Variants in SAP30L observed in about 807,000 individuals in gnomAD.
The protein encoded by SAP30L is SAP30 like, also known as histone deacetylase complex subunit SAP30L.
SAP30L carries 10 observed loss-of-function variants against 22.3 expected under a neutral mutation model. The observed-to-expected ratio is 0.45, with a 90% CI of 0.28 to 0.76. SAP30L has a LOEUF of 0.76. SAP30L is among the 30% of genes least tolerant of loss of function. The pLI is 0.14. For synonymous variants in SAP30L, 91 were observed against 94.1 expected (o/e 0.97, Z 0.19); for missense variants, 206 against 237.9 (o/e 0.87, Z 0.88).
intron 1 of SAP30L, among the ~76,000 whole-genome samples, chr5:154,450,648 A>G (rs1561700941): frequency 6.6e-6 from 1 of 152,094 alleles, no homozygotes; most frequent in African/African-American, 2.4e-5. Context: ...TTATGCTCCT[A>G]CATGGGCAGC....
intron 2 of SAP30L, 111 bp from the exon 3 acceptor site, chr5:154,453,291 A>G: frequency 1.4e-6 from 1 of 722,578 alleles, no homozygotes; most frequent in Non-Finnish European, 2.4e-6. Flanking sequence ...CCTCTTTTGA[A>G]GCCCTCCCCA....
chr5:154,448,905 A>C (rs1757081023), intron 1 of SAP30L, among the ~76,000 whole-genome samples: 1 of 152,190 alleles, frequency 6.6e-6, no homozygotes, highest in African/African-American at 2.4e-5. Flanking sequence ...TCTTTCTCAC[A>C]GGCTTGGGCA....
rs2113289208 is a variant in SAP30L at position 154,460,452 on chromosome 5, A to T, written c.*4424A>T. ...GCTGGGCAGTCGAACCGAAGGGCAG[A>T]TGAGCTCAAGATCATGCCTTGGGAA... is the stretch of plus-strand genomic sequence containing the variant. On this transcript the variant is annotated 3_prime_UTR_variant, in exon 4 of 4. Transcript: ENST00000297109. 6.6e-6 allele frequency: 1 copy of T among 152,392 alleles called. No individual in the cohort carries two copies. The highest frequency in any genetic ancestry group is 2.1e-4 in the South Asian group (1 of 4,830). The allele number at this position is 152,392 out of a possible 1,614,324, so 9.4% of individuals were successfully genotyped here. A position where few individuals can be genotyped will look rare whatever the true frequency, so the allele number is the denominator to read the frequency against.
At chr5:154,453,197 A>G (rs1305352215) in intron 2 of SAP30L, 2 of 484,640 alleles carry the variant, frequency 4.1e-6, no homozygotes, top group Non-Finnish European at 7.3e-6. Context: ...TTGTGAGATC[A>G]GCCCACCCCA....
At position 154,457,367 on chromosome 5, in the gene SAP30L, G is replaced by A. The variant is rs1427239864; in HGVS notation, c.*1339G>A. On this transcript the variant is annotated 3_prime_UTR_variant, in exon 4 of 4. Transcript: ENST00000297109. ...GAAAAGAATTTGGATTCTAATTTAT[G>A]ACCATCTTGACATATGGTCAAAGGT... 1 of 152,198 alleles carries A rather than the reference G, an allele frequency of 6.6e-6. No individual in the cohort carries two copies. Among genetic ancestry groups the A allele is most frequent in the Non-Finnish European group, 1.5e-5 (1 of 68,042 alleles). 9.4% of individuals were successfully genotyped at this position (152,198 alleles called of 1,614,324 possible).
intron 1 of SAP30L, among the ~76,000 whole-genome samples, chr5:154,447,064 A>G (rs1757033566): frequency 6.6e-6 from 1 of 152,236 alleles, no homozygotes; most frequent in Non-Finnish European, 1.5e-5. Context: ...GCAGTTTCCA[A>G]CTTGTTTTAT....
chr5:154,455,775 T>C (rs1048663488), intron 3 of SAP30L, 125 bp from the exon 4 acceptor site: 6 of 1,219,714 alleles, frequency 4.9e-6, no homozygotes, highest in Non-Finnish European at 6.8e-6. Context: ...TGGCAGGAAG[T>C]TCTTCAGCAT....
chr5:154,449,798 C>T (rs929847401), intron 1 of SAP30L, among the ~76,000 whole-genome samples: 6 of 152,312 alleles, frequency 3.9e-5, no homozygotes, highest in African/African-American at 1.4e-4. Context: ...TGGTGGCTTT[C>T]ATTAGCCTTA....
At chr5:154,453,279 G>C in intron 2 of SAP30L, 123 bp from the exon 3 acceptor site, 2 of 671,112 alleles carry the variant, frequency 3.0e-6, no homozygotes, top group South Asian at 3.7e-5. Flanking sequence ...CCATTTCTAA[G>C]ACCTCTTTTG....
intron 1 of SAP30L, among the ~76,000 whole-genome samples, chr5:154,447,935 CCT>C (rs1757055635): frequency 6.6e-6 from 1 of 151,540 alleles, no homozygotes. Context: ...AAAAATCTCC[CCT>C]GTCCTTTTTC....
intron 3 of SAP30L, among the ~76,000 whole-genome samples, chr5:154,454,463 A>G (rs1490933921): frequency 6.6e-6 from 1 of 152,302 alleles, no homozygotes; most frequent in African/African-American, 2.4e-5. Flanking sequence ...AGAAAAATAT[A>G]ATTCTATCAT....
Position 154,459,284 on chromosome 5 carries a change from C to T in SAP30L, c.*3256C>T, listed in dbSNP as rs1168814079. Reference sequence around the variant, plus strand: ...TCTCCACATAGGTGCTGACATTCTGCCTACAACCATCCCACCAAGGGGTTG... The same window carrying T: ...TCTCCACATAGGTGCTGACATTCTGTCTACAACCATCCCACCAAGGGGTTG... On this transcript the variant is annotated 3_prime_UTR_variant, in exon 4 of 4. Transcript: ENST00000297109. 1.3e-5 allele frequency: 2 copies of T among 152,264 alleles called. No homozygotes were observed. The highest frequency in any genetic ancestry group is 2.4e-5 in the African/African-American group (1 of 41,466). 9.4% of individuals were successfully genotyped at this position (152,264 alleles called of 1,614,324 possible). A position where few individuals can be genotyped will look rare whatever the true frequency, so the allele number is the denominator to read the frequency against.
intron 1 of SAP30L, among the ~76,000 whole-genome samples, chr5:154,450,391 T>G (rs1757112086): frequency 6.6e-6 from 1 of 152,154 alleles, no homozygotes; most frequent in South Asian, 2.1e-4. Context: ...TTTCAAAGAG[T>G]TATTATCCTA....
intron 1 of SAP30L, among the ~76,000 whole-genome samples, chr5:154,448,429 A>C (rs1355064675): frequency 6.6e-6 from 1 of 152,236 alleles, no homozygotes; most frequent in African/African-American, 2.4e-5. Flanking sequence ...TGAATGCATG[A>C]ATGGAAATAT....
In SAP30L at chr5:154,459,893, G is replaced by A. The variant is rs1371401978; in HGVS notation, c.*3865G>A. The A allele has an allele frequency of 1.3e-5, 2 of 152,230 alleles. No homozygotes were observed. Among genetic ancestry groups the A allele is most frequent in the Non-Finnish European group, 2.9e-5 (2 of 68,052 alleles). 9.4% of individuals were successfully genotyped at this position (152,230 alleles called of 1,614,324 possible). On this transcript the variant is annotated 3_prime_UTR_variant, in exon 4 of 4. Coordinates refer to ENST00000297109, the MANE Select transcript of SAP30L (RefSeq NM_024632.6). ...CAACGCTTCAGGACTTAAGGTCTAA[G>A]CGTCAGAGAAGTGCCGTATTTTCAA...
In SAP30L at chr5:154,460,899, T is replaced by C. The variant is rs1437875347; in HGVS notation, c.*4871T>C. 1 of 152,220 alleles carries C rather than the reference T, an allele frequency of 6.6e-6. No homozygotes were observed. 9.4% of individuals were successfully genotyped at this position (152,220 alleles called of 1,614,324 possible). A position where few individuals can be genotyped will look rare whatever the true frequency, so the allele number is the denominator to read the frequency against. On this transcript the variant is annotated 3_prime_UTR_variant, in exon 4 of 4. Transcript: ENST00000297109. ...TTCCTGCCAAATCTGGGGGATCATT[T>C]GTATTTTAACTTCGTAATCTATGGC...
Position 154,453,514 on chromosome 5 carries a change from A to G in SAP30L, c.423+14A>G, listed in dbSNP as rs1197208959. 1 of 1,569,276 alleles carries G rather than the reference A, an allele frequency of 6.4e-7. No individual in the cohort carries two copies. The highest frequency in any genetic ancestry group is 8.8e-7 in the Non-Finnish European group (1 of 1,139,106). On this transcript the variant is annotated intron_variant, in intron 3 of 3. Coordinates refer to ENST00000297109, the MANE Select transcript of SAP30L (RefSeq NM_024632.6). Reference sequence around the variant, plus strand: ...CAGTTAGCAGAAGTAGGTAGACAAAATTGCCCTCTAAAGAGAGCCAGCATT... The same window carrying G: ...CAGTTAGCAGAAGTAGGTAGACAAAGTTGCCCTCTAAAGAGAGCCAGCATT...
At chr5:154,454,529 C>T (rs949812341) in intron 3 of SAP30L, among the ~76,000 whole-genome samples, 8 of 152,168 alleles carry the variant, frequency 5.3e-5, no homozygotes, top group Non-Finnish European at 7.3e-5. Context: ...CTGTTTCAGC[C>T]ACCTTGATCC....
At position 154,446,593 on chromosome 5, in the gene SAP30L, C is replaced by A; in HGVS notation, c.-12C>A. On this transcript the variant is annotated 5_prime_UTR_variant, in exon 1 of 4. Coordinates refer to ENST00000297109, the MANE Select transcript of SAP30L (RefSeq NM_024632.6). Reference sequence around the variant, plus strand: ...GGACCCTCCCCCAGAGGGACCGGCCCGGGGCGGGGAGATGAACGGCTTCAG... The same window carrying A: ...GGACCCTCCCCCAGAGGGACCGGCCAGGGGCGGGGAGATGAACGGCTTCAG... The A allele has an allele frequency of 6.8e-7, 1 of 1,465,086 alleles. No homozygotes were observed. The highest frequency in any genetic ancestry group is 1.4e-5 in the South Asian group (1 of 71,676). The allele number at this position is 1,465,086 out of a possible 1,614,324, so 90.8% of individuals were successfully genotyped here.
Sources: allele counts gnomAD v4.1 joint callset (sites outside exome capture counted in the v4.1 genomes callset), GRCh38; gene constraint gnomAD v4.1.1; transcripts MANE v1.5; gene names NCBI Gene and HGNC (gene_info 2026-07-23, HGNC 2026-07-21).